SSBP1: variants seen among roughly 807,000 people sequenced by gnomAD.
SSBP1 encodes single-stranded DNA-binding protein, mitochondrial.
SSBP1 carries 20 observed loss-of-function variants against 27.0 expected under a neutral mutation model. The ratio of observed to expected loss-of-function variants is 0.74; its 90% CI spans 0.52 to 1.08. The LOEUF is 1.08. Among genes scored for constraint, SSBP1 ranks in the 50% least tolerant of loss-of-function variants. The pLI is 0.00. For missense variants in SSBP1, 137 were observed against 182.4 expected (o/e 0.75, Z 1.44); for synonymous variants, 59 against 59.3 (o/e 1.00, Z 0.02).
Position 141,745,652 on chromosome 7 carries a change from C to T in SSBP1, c.403+68C>T, listed in dbSNP as rs186871205. The T allele has an allele frequency of 2.2e-3, 3,562 of 1,591,940 alleles. 14 individuals are homozygous for T. The highest frequency in any genetic ancestry group is 2.5e-3 in the Non-Finnish European group (2,911 of 1,168,930). ...TTTCTTTTTTAAAAGCTTGGCTACA[C>T]TGTAACTAACTAGGGTTAAGAGTAC... On this transcript the variant is annotated intron_variant, in intron 6 of 6. Coordinates refer to ENST00000265304, the MANE Select transcript of SSBP1 (RefSeq NM_003143.3).
At chr7:141,743,070 G>GTC (rs984981582) in intron 3 of SSBP1, among the ~76,000 whole-genome samples, 1 of 152,126 alleles carries the variant, frequency 6.6e-6, no homozygotes, top group Non-Finnish European at 1.5e-5. Context: ...AGCCAGCATG[G>GTC]TCTCTCTCTC....
At position 141,738,890 on chromosome 7, in the gene SSBP1, T is replaced by G. The variant is rs1799393273; in HGVS notation, c.-43-234T>G. On this transcript the variant is annotated intron_variant, in intron 1 of 6. Coordinates refer to ENST00000265304, the MANE Select transcript of SSBP1 (RefSeq NM_003143.3). ...GTGGGATTAACTCAGAATCAAAATT[T>G]TGTCGATGGGTTGGAGGAAGAGGAA... The G allele has an allele frequency of 8.4e-6, 3 of 358,922 alleles. No homozygotes were observed. In the East Asian group the frequency reaches 1.3e-4, roughly 16 times the overall value. 22.2% of individuals were successfully genotyped at this position (358,922 alleles called of 1,614,324 possible). A position where few individuals can be genotyped will look rare whatever the true frequency, so the allele number is the denominator to read the frequency against.
rs763937894 is a variant in SSBP1 at position 141,743,684 on chromosome 7, G to A, written c.209G>A (p.Ser70Asn). The A allele has an allele frequency of 1.2e-6, 2 of 1,614,198 alleles. No homozygotes were observed. The highest frequency in any genetic ancestry group is 8.5e-7 in the Non-Finnish European group (1 of 1,180,026). Reference protein sequence around the residue: ...ATNEMWRSGDSEVYQLGDVSQ... With the variant: ...ATNEMWRSGDNEVYQLGDVSQ... ...AATGAGATGTGGCGATCAGGGGATA[G>A]TGAAGTTTACCAACTGGGTGAGTAC... Residue 70 changes from serine to asparagine, a missense_variant, in exon 4 of 7, where the codon AGT becomes AAT. By Grantham distance (46) the Ser-to-Asn change is conservative. Transcript: ENST00000265304.
Position 141,743,565 on chromosome 7 carries a change from G to A in SSBP1, c.90G>A (p.Leu30=). The change falls in exon 4 of 7, where the codon CTG becomes CTA. Residue 30 remains leucine (L), a synonymous_variant. Transcript: ENST00000265304. Reference sequence around the variant, plus strand: ...GGTCTTGATGTTGTGTTTCAGCCCTGAATCGTGTGCACTTACTTGGGCGAG... The same window carrying A: ...GGTCTTGATGTTGTGTTTCAGCCCTAAATCGTGTGCACTTACTTGGGCGAG... The part of the protein sequence containing the change: ...TTTSLVLERS[L]NRVHLLGRVG... 1.9e-6 allele frequency: 3 copies of A among 1,614,072 alleles called. No individual in the cohort carries two copies. The highest frequency in any genetic ancestry group is 2.5e-6 in the Non-Finnish European group (3 of 1,179,992).
chr7:141,741,420 T>G (rs1799525676), intron 2 of SSBP1: 1 of 152,248 alleles, frequency 6.6e-6, no homozygotes, highest in South Asian at 2.1e-4. Context: ...CCCTGGAGGT[T>G]GGGGACTCTC....
chr7:141,745,792 G>C lies in SSBP1; in HGVS notation c.403+208G>C. 3 of 1,300,382 alleles carry C rather than the reference G, an allele frequency of 2.3e-6. No homozygotes were observed. The South Asian group carries it at 7.0e-5, about 30-fold the overall frequency. The allele number at this position is 1,300,382 out of a possible 1,614,324, so 80.6% of individuals were successfully genotyped here. A position where few individuals can be genotyped will look rare whatever the true frequency, so the allele number is the denominator to read the frequency against. On this transcript the variant is annotated intron_variant, in intron 6 of 6. Coordinates refer to ENST00000265304, the MANE Select transcript of SSBP1 (RefSeq NM_003143.3). ...TTAAAAAATTATTTTTATACTTACA[G>C]TTTTAGTCACAAGTAACTTTTGAAT...
At chr7:141,746,835 G>A (rs1799809722) in intron 6 of SSBP1, among the ~76,000 whole-genome samples, 1 of 152,110 alleles carries the variant, frequency 6.6e-6, no homozygotes, top group Admixed American at 6.5e-5. Context: ...ATACAAAATT[G>A]TGTTATTTTT....
chr7:141,741,679 TA>T (rs199771557), intron 2 of SSBP1: 18,336 of 583,152 alleles, frequency 0.031, 81 homozygotes, highest in African/African-American at 0.064. Flanking sequence ...TTGTTTATAC[TA>T]AAAAAAAAAA....
At chr7:141,745,646 G>C in intron 6 of SSBP1, 62 bp downstream of exon 6, 1 of 1,599,984 alleles carries the variant, frequency 6.3e-7, no homozygotes, top group Non-Finnish European at 8.5e-7. Flanking sequence ...TAAAAGCTTG[G>C]CTACACTGTA....
chr7:141,745,766 T>C, intron 6 of SSBP1, 182 bp downstream of exon 6: 4 of 1,333,664 alleles, frequency 3.0e-6, no homozygotes, highest in Non-Finnish European at 3.8e-6. Context: ...TATCCCTTCC[T>C]TTAAAAAATT....
At chr7:141,739,433 G>C (rs1799428414) in intron 2 of SSBP1, 1 of 371,130 alleles carries the variant, frequency 2.7e-6, no homozygotes, top group Non-Finnish European at 4.8e-6. Context: ...ATGTGTGTGT[G>C]TTGCTTGAAT....
chr7:141,745,687 T>A (rs192579092), intron 6 of SSBP1, 103 bp downstream of exon 6: 2 of 1,510,358 alleles, frequency 1.3e-6, no homozygotes, highest in African/African-American at 2.8e-5. Flanking sequence ...CCAGTACTTA[T>A]GAGTTAAGGC....
intron 3 of SSBP1, among the ~76,000 whole-genome samples, chr7:141,743,133 G>A (rs376733730): frequency 7.0e-4 from 106 of 152,336 alleles, no homozygotes; most frequent in African/African-American, 1.9e-3. Context: ...GATTACAGGC[G>A]TGAGCCACCG....
At chr7:141,744,531 C>A (rs549390702) in intron 5 of SSBP1, among the ~76,000 whole-genome samples, 2 of 152,242 alleles carry the variant, frequency 1.3e-5, no homozygotes, top group East Asian at 3.9e-4. Flanking sequence ...AGTATGTTTT[C>A]CAAACTCATA....
At chr7:141,742,494 T>C (rs1799580022) in intron 3 of SSBP1, among the ~76,000 whole-genome samples, 1 of 152,226 alleles carries the variant, frequency 6.6e-6, no homozygotes, top group Admixed American at 6.5e-5. Flanking sequence ...TTTGGTTATC[T>C]GAGTCTTCCC....
At chr7:141,746,063 C>T in intron 6 of SSBP1, 1 of 796,924 alleles carries the variant, frequency 1.3e-6, no homozygotes, top group Non-Finnish European at 1.5e-6. Flanking sequence ...CTCTGTCACC[C>T]AGGCTGGAGT....
intron 2 of SSBP1, 156 bp downstream of exon 2, chr7:141,739,346 C>T: frequency 2.0e-6 from 1 of 505,432 alleles, no homozygotes; most frequent in Non-Finnish European, 3.4e-6. Context: ...ACGATTTTGC[C>T]AGTGTAAATT....
chr7:141,749,971 C>G (rs1799906321), intron 6 of SSBP1, among the ~76,000 whole-genome samples: 1 of 152,132 alleles, frequency 6.6e-6, no homozygotes, highest in African/African-American at 2.4e-5. Context: ...GGATGTGCTG[C>G]CTAGTGTCGT....
intron 2 of SSBP1, 77 bp downstream of exon 2, chr7:141,739,267 A>C: frequency 7.9e-7 from 1 of 1,272,424 alleles, no homozygotes; most frequent in South Asian, 1.6e-5. Flanking sequence ...TAGGCTTTTA[A>C]CTACAGGGGC....
Sources: allele counts gnomAD v4.1 joint callset (sites outside exome capture counted in the v4.1 genomes callset), GRCh38; gene constraint gnomAD v4.1.1; transcripts MANE v1.5; gene names NCBI Gene and HGNC (gene_info 2026-07-23, HGNC 2026-07-21).